LINGO1: variants seen among roughly 807,000 people sequenced by gnomAD.
LINGO1 encodes the protein leucine-rich repeat and immunoglobulin-like domain-containing nogo receptor-interacting protein 1.
In LINGO1, 11 loss-of-function variants were observed where a neutral mutation model predicts 37.3. The observed-to-expected ratio is 0.29, with a 90% CI of 0.19 to 0.49. LINGO1 has a LOEUF of 0.49. LINGO1 is among the 20% of genes least tolerant of loss of function. LINGO1 has a pLI of 0.99. For missense variants in LINGO1, 585 were observed against 878.2 expected (o/e 0.67, Z 4.22); for synonymous variants, 387 against 403.0 (o/e 0.96, Z 0.48).
At chr15:77,697,043 C>T (rs2075705009), upstream of LINGO1, among the ~76,000 whole-genome samples, 1 of 152,256 alleles carries the variant, frequency 6.6e-6, no homozygotes, top group Non-Finnish European at 1.5e-5. Context: ...GGCTTGGGGC[C>T]AGGTCAGAGG....
intron 2 of LINGO1, among the ~76,000 whole-genome samples, chr15:77,681,805 C>T (rs1209783864): frequency 6.6e-6 from 1 of 151,998 alleles, no homozygotes; most frequent in East Asian, 1.9e-4. Flanking sequence ...GTGGCAGACA[C>T]CCAGGTGAGG....
At chr15:77,723,335 C>G (rs1270627804) in intron 2 of LINGO1, among the ~76,000 whole-genome samples, 2 of 152,190 alleles carry the variant, frequency 1.3e-5, no homozygotes, top group African/African-American at 2.4e-5. Context: ...CTGCTGAGCA[C>G]CATGATGCAG....
chr15:77,672,949 G>A (rs2075275279), intron 3 of LINGO1, among the ~76,000 whole-genome samples: 1 of 152,066 alleles, frequency 6.6e-6, no homozygotes, highest in Admixed American at 6.5e-5. Context: ...ATCAAACAGC[G>A]AGGTCTGGAC....
upstream of LINGO1, chr15:77,634,437 C>T (rs1457146336): frequency 6.9e-6 from 3 of 432,838 alleles, no homozygotes; most frequent in East Asian, 2.1e-4. Context: ...CCATGCTATG[C>T]TCTACTGTGA....
intron 1 of LINGO1, among the ~76,000 whole-genome samples, chr15:77,747,234 C>T (rs2076323143): frequency 6.6e-6 from 1 of 152,254 alleles, no homozygotes; most frequent in South Asian, 2.1e-4. Flanking sequence ...TCCTCCTCCT[C>T]TCCCCTGGCA....
At chr15:77,729,594 C>T (rs2076135197) in intron 2 of LINGO1, among the ~76,000 whole-genome samples, 2 of 152,140 alleles carry the variant, frequency 1.3e-5, no homozygotes, top group Admixed American at 6.5e-5. Flanking sequence ...CTGGAGTTGG[C>T]CAGCCCTCTG....
chr15:77,807,148 G>T (rs2076967010), intron 1 of LINGO1, among the ~76,000 whole-genome samples: 1 of 152,196 alleles, frequency 6.6e-6, no homozygotes, highest in African/African-American at 2.4e-5. Flanking sequence ...TCAAGGCGCA[G>T]TCCAAATGCT....
chr15:77,736,326 C>T (rs189340439), intron 1 of LINGO1, among the ~76,000 whole-genome samples: 169 of 152,294 alleles, frequency 1.1e-3, no homozygotes, highest in African/African-American at 3.9e-3. Context: ...TTTCCCTGTC[C>T]ATACATAGCA....
intron 3 of LINGO1, among the ~76,000 whole-genome samples, chr15:77,670,068 C>G (rs73457849): frequency 0.03 from 4,508 of 152,246 alleles, 243 homozygotes; most frequent in African/African-American, 0.1. Context: ...GCCTTAAAAA[C>G]TGTGTGCTGA....
intron 1 of LINGO1, among the ~76,000 whole-genome samples, chr15:77,741,721 C>A (rs1482519035): frequency 6.6e-6 from 1 of 152,236 alleles, no homozygotes; most frequent in Non-Finnish European, 1.5e-5. Context: ...CCTGAGGCTG[C>A]AGGCTCTGTG....
At chr15:77,749,771 A>G (rs2076352489) in intron 1 of LINGO1, among the ~76,000 whole-genome samples, 1 of 152,188 alleles carries the variant, frequency 6.6e-6, no homozygotes, top group African/African-American at 2.4e-5. Context: ...TATTGGCCAT[A>G]GAGTTAGTCA....
chr15:77,660,416 C>G (rs2074964616), intron 3 of LINGO1, among the ~76,000 whole-genome samples: 1 of 152,164 alleles, frequency 6.6e-6, no homozygotes, highest in Non-Finnish European at 1.5e-5. Flanking sequence ...GAAGCCCCAC[C>G]CTTGCAGGCA....
At chr15:77,814,178 G>A (rs1206513244) in intron 1 of LINGO1, among the ~76,000 whole-genome samples, 2 of 152,184 alleles carry the variant, frequency 1.3e-5, no homozygotes, top group African/African-American at 4.8e-5. Context: ...CCCCAAGTTG[G>A]TCTAGACAGA....
intron 1 of LINGO1, among the ~76,000 whole-genome samples, chr15:77,757,797 C>A (rs1596195661): frequency 6.6e-6 from 1 of 152,196 alleles, no homozygotes; most frequent in Non-Finnish European, 1.5e-5. Flanking sequence ...GGCTGGAATG[C>A]CCCAGAACAG....
chr15:77,732,522 A>G (rs568943115), intron 2 of LINGO1, among the ~76,000 whole-genome samples: 16 of 152,220 alleles, frequency 1.1e-4, no homozygotes, highest in Non-Finnish European at 1.6e-4. Flanking sequence ...AGAGGTGCCC[A>G]GCAAATGCAC....
intron 1 of LINGO1, among the ~76,000 whole-genome samples, chr15:77,736,226 G>A (rs573133745): frequency 1.3e-5 from 2 of 151,974 alleles, no homozygotes; most frequent in South Asian, 2.1e-4. Flanking sequence ...CACTTGAGGT[G>A]CACACAGACA....
At chr15:77,672,144 C>T (rs1341684728) in intron 3 of LINGO1, among the ~76,000 whole-genome samples, 1 of 151,872 alleles carries the variant, frequency 6.6e-6, no homozygotes, top group East Asian at 1.9e-4. Flanking sequence ...CTCCTCTCCC[C>T]ACCCCGACCC....
intron 2 of LINGO1, among the ~76,000 whole-genome samples, chr15:77,682,975 AAC>A (rs1048890242): frequency 6.6e-6 from 1 of 152,230 alleles, no homozygotes; most frequent in African/African-American, 2.4e-5. Flanking sequence ...AAGTATCTCC[AAC>A]ACACAAAACA....
chr15:77,776,629 T>G (rs1399214390), intron 1 of LINGO1, among the ~76,000 whole-genome samples: 1 of 151,792 alleles, frequency 6.6e-6, no homozygotes, highest in East Asian at 1.9e-4. Flanking sequence ...AGCCACCATG[T>G]CCTCCATGGC....
Sources: gnomAD v4.1 joint callset for allele counts (sites outside exome capture counted in the v4.1 genomes callset) on GRCh38, gnomAD v4.1.1 for gene constraint, MANE v1.5 for transcripts, NCBI Gene and HGNC (gene_info 2026-07-23, HGNC 2026-07-21) for gene names.